Variants in CSRNP3 observed in about 807,000 individuals in gnomAD.
The protein encoded by CSRNP3 is cysteine and serine rich nuclear protein 3.
Under a neutral mutation model 48.0 loss-of-function variants are expected in CSRNP3, and 12 were observed. The observed-to-expected ratio is 0.25, with a 90% confidence interval of 0.16 to 0.41. The LOEUF (loss-of-function observed/expected upper bound fraction) is 0.41, where lower values mean the gene tolerates loss of function less well. CSRNP3 is among the 10% of genes least tolerant of loss of function. The probability of loss-of-function intolerance (pLI) is 1.00; values close to 1 mark genes in which losing one functional copy is unlikely to be tolerated. For missense variants in CSRNP3, 580 were observed against 724.4 expected (o/e 0.80, Z 2.29); for synonymous variants, 263 against 269.7 (o/e 0.98, Z 0.24).
intron 3 of CSRNP3, among the ~76,000 whole-genome samples, chr2:165,531,885 C>T (rs191343705): frequency 0.011 from 1,612 of 152,096 alleles, 16 homozygotes; most frequent in Middle Eastern, 0.017. Flanking sequence ...ATATCACCAC[C>T]GATCCCACAG....
At chr2:165,552,549 T>A (rs534152612) in intron 3 of CSRNP3, among the ~76,000 whole-genome samples, 1 of 152,288 alleles carries the variant, frequency 6.6e-6, no homozygotes, top group East Asian at 1.9e-4. Flanking sequence ...TCTCCTTTAA[T>A]CCTCACCAAC....
At chr2:165,614,140 G>T (rs1373808367) in intron 4 of CSRNP3, among the ~76,000 whole-genome samples, 1 of 151,898 alleles carries the variant, frequency 6.6e-6, no homozygotes, top group African/African-American at 2.4e-5. Context: ...AATGTTCATT[G>T]TAAGATCTTT....
chr2:165,636,558 A>G (rs563633799), intron 4 of CSRNP3, among the ~76,000 whole-genome samples: 1 of 152,336 alleles, frequency 6.6e-6, no homozygotes, highest in South Asian at 2.1e-4. Context: ...AGATGGAACA[A>G]GTAATCATTA....
At chr2:165,530,960 A>G (rs1044812969) in intron 3 of CSRNP3, among the ~76,000 whole-genome samples, 4 of 151,974 alleles carry the variant, frequency 2.6e-5, no homozygotes, top group African/African-American at 9.7e-5. Context: ...ACCTAAAATA[A>G]CTCCATAAAA....
intron 3 of CSRNP3, among the ~76,000 whole-genome samples, chr2:165,591,472 G>A (rs1031119817): frequency 1.1e-4 from 17 of 152,144 alleles, no homozygotes; most frequent in Admixed American, 3.9e-4. Flanking sequence ...CAAGACAATG[G>A]GGAGAATGTC....
intron 4 of CSRNP3, among the ~76,000 whole-genome samples, chr2:165,599,424 G>A (rs986135367): frequency 1.3e-5 from 2 of 151,992 alleles, no homozygotes; most frequent in African/African-American, 4.8e-5. Context: ...CAGGTAGCTG[G>A]GACCACAGGT....
chr2:165,611,004 GATAA>G (rs1351148365), intron 4 of CSRNP3, among the ~76,000 whole-genome samples: 3 of 152,154 alleles, frequency 2.0e-5, no homozygotes, highest in Non-Finnish European at 4.4e-5. Context: ...GACCAAGGCA[GATAA>G]ATAAGTATTG....
At chr2:165,602,103 T>C (rs373109642) in intron 4 of CSRNP3, among the ~76,000 whole-genome samples, 3 of 152,278 alleles carry the variant, frequency 2.0e-5, no homozygotes, top group African/African-American at 7.2e-5. Flanking sequence ...CAATCTACCC[T>C]GACTCAATGC....
chr2:165,501,485 A>G (rs1684358718), intron 2 of CSRNP3, among the ~76,000 whole-genome samples: 1 of 152,136 alleles, frequency 6.6e-6, no homozygotes, highest in Non-Finnish European at 1.5e-5. Context: ...TATAATTACA[A>G]TTATTTTAAG....
At position 165,680,565 on chromosome 2, in the gene CSRNP3, G is replaced by A. The variant is rs1270242042; in HGVS notation, c.*812G>A. On this transcript the variant is annotated 3_prime_UTR_variant, in exon 7 of 7. Transcript: ENST00000651982. ...AGGAATTGCCTTTCTTTTTTAAACA[G>A]CATCATCTTGATTCTTAGCTTGGAC... The A allele has an allele frequency of 6.6e-6, 1 of 152,524 alleles. No homozygotes were observed. The allele number at this position is 152,524 out of a possible 1,614,324, so 9.4% of individuals were successfully genotyped here.
rs184914452 is a variant in CSRNP3, at chr2:165,595,249, G to C, written c.148+36G>C. The C allele has an allele frequency of 2.7e-5, 42 of 1,553,546 alleles. No homozygotes were observed. The East Asian group carries it at 9.4e-4, about 35-fold the overall frequency. Reference sequence around the variant, plus strand: ...AAATCAGAACCGAAGTCAATTGTCTGGTTCTACAGCAAAACTAATTGTGTC... The same window carrying C: ...AAATCAGAACCGAAGTCAATTGTCTCGTTCTACAGCAAAACTAATTGTGTC... On this transcript the variant is annotated intron_variant, in intron 4 of 6. Transcript: ENST00000651982.
intron 5 of CSRNP3, among the ~76,000 whole-genome samples, chr2:165,662,980 G>A (rs146040145): frequency 6.6e-6 from 1 of 151,896 alleles, no homozygotes. Flanking sequence ...TTCCTTTAAT[G>A]ATTAACCTTT....
intron 4 of CSRNP3, among the ~76,000 whole-genome samples, chr2:165,612,769 A>C (rs919059550): frequency 2.0e-5 from 3 of 151,894 alleles, no homozygotes; most frequent in Admixed American, 1.3e-4. Context: ...TTATTATTTC[A>C]TGGGTGAAAA....
chr2:165,518,627 G>T (rs1310621996), intron 3 of CSRNP3, among the ~76,000 whole-genome samples: 1 of 151,846 alleles, frequency 6.6e-6, no homozygotes, highest in African/African-American at 2.4e-5. Context: ...AGGTTAAAGT[G>T]GTTTAGTCTA....
intron 3 of CSRNP3, among the ~76,000 whole-genome samples, chr2:165,584,340 T>C (rs2105285858): frequency 6.6e-6 from 1 of 152,242 alleles, no homozygotes; most frequent in East Asian, 1.9e-4. Context: ...TCGCTCTGCT[T>C]TGAACCCCTC....
At chr2:165,483,004 G>C (rs1215371284) in intron 1 of CSRNP3, among the ~76,000 whole-genome samples, 1 of 151,484 alleles carries the variant, frequency 6.6e-6, no homozygotes, top group Non-Finnish European at 1.5e-5. Context: ...AGTGGCAGGA[G>C]AGGGAGAGAG....
intron 4 of CSRNP3, among the ~76,000 whole-genome samples, chr2:165,652,836 G>A (rs1022217521): frequency 1.7e-4 from 26 of 152,126 alleles, no homozygotes; most frequent in African/African-American, 6.3e-4. Flanking sequence ...GAGCCACCGC[G>A]CTGGCCAAAA....
At chr2:165,591,576 AC>A (rs1306758947) in intron 3 of CSRNP3, among the ~76,000 whole-genome samples, 2 of 151,940 alleles carry the variant, frequency 1.3e-5, no homozygotes, top group Admixed American at 1.3e-4. Context: ...GGGCCCAGGG[AC>A]CCCCTGTTCT....
chr2:165,614,339 C>T (rs1204571264), intron 4 of CSRNP3, among the ~76,000 whole-genome samples: 1 of 152,112 alleles, frequency 6.6e-6, no homozygotes, highest in Non-Finnish European at 1.5e-5. Context: ...TTGGTGGACT[C>T]TTCAGGTTTT....
Sources: gnomAD v4.1 joint callset for allele counts (sites outside exome capture counted in the v4.1 genomes callset) on GRCh38, gnomAD v4.1.1 for gene constraint, MANE v1.5 for transcripts, NCBI Gene and HGNC (gene_info 2026-07-23, HGNC 2026-07-21) for gene names.